Variants in ACTR6 observed in about 807,000 individuals in gnomAD.
ACTR6 encodes the protein actin related protein 6, also known as actin-related protein 6.
In ACTR6, 50 loss-of-function variants were observed where a neutral mutation model predicts 52.5. That is an observed-to-expected ratio of 0.95 (90% CI 0.76 to 1.20). ACTR6 has a LOEUF of 1.20. Ranked by LOEUF, ACTR6 falls within the 50% of genes most tolerant of loss-of-function variation. The pLI, the probability that ACTR6 is intolerant of heterozygous loss-of-function variation, is 0.00. For missense variants in ACTR6, 344 were observed against 472.4 expected, an observed-to-expected ratio of 0.73 and a Z score of 2.52; for synonymous variants, 135 against 147.2, an observed-to-expected ratio of 0.92 and a Z score of 0.60.
chr12:100,207,673 T>A lies in ACTR6; in HGVS notation c.266T>A (p.Leu89Ter). 1 of 1,512,166 alleles carries A rather than the reference T, an allele frequency of 6.6e-7. No individual in the cohort carries two copies. Among genetic ancestry groups the A allele is most frequent in the African/African-American group, 1.4e-5 (1 of 72,268 alleles). The allele number at this position is 1,512,166 out of a possible 1,614,324, so 93.7% of individuals were successfully genotyped here. A position where few individuals can be genotyped will look rare whatever the true frequency, so the allele number is the denominator to read the frequency against. The change falls in exon 4 of 11, where the codon TTA (leucine) becomes TAA (stop). Residue 89 changes from leucine to a stop codon, truncating the protein, a stop_gained. Coordinates refer to ENST00000188312, the MANE Select transcript of ACTR6 (RefSeq NM_022496.5). LOFTEE classifies it high-confidence loss of function. Reference sequence around the variant, plus strand: ...TGTTTTCTCCTATAGGTTGATTTTTTAGATACTAATATTATTATCACTGAA... The same window carrying A: ...TGTTTTCTCCTATAGGTTGATTTTTAAGATACTAATATTATTATCACTGAA... ...FGKEMYQVDF[L>*]DTNIIITEPY...
At position 100,212,524 on chromosome 12, in the gene ACTR6, G is replaced by A; in HGVS notation, c.746G>A (p.Cys249Tyr). 6.2e-7 allele frequency: 1 copy of A among 1,611,718 alleles called. No individual in the cohort carries two copies. Residue 249 changes from cysteine (C) to tyrosine (Y), a missense_variant, in exon 8 of 11, where the codon TGT becomes TAT. Coordinates refer to ENST00000188312, the MANE Select transcript of ACTR6 (RefSeq NM_022496.5). ...TTCAGTACAATTAAAAAGGGCTTTT[G>A]TAAGGTAATTTTTAAAAACCATCAA... ...PDFSTIKKGF[C>Y]KPREEMVLSG...
chr12:100,223,644 TGTTGG>T, intron 10 of ACTR6, 137 bp from the exon 11 acceptor site: 1 of 965,002 alleles, frequency 1.0e-6, no homozygotes, highest in Non-Finnish European at 1.5e-6. Context: ...AACAATTTTC[TGTTGG>T]GTTGGGTAGA....
In ACTR6 at chr12:100,218,417, A is replaced by G; in HGVS notation, c.753A>G (p.Pro251=). ...FSTIKKGFCK[P]REEMVLSGKY... ...TTTTAATCTTCTTTGTCTTTAAGCCAAGGGAAGAGATGGTGTTGAGTGGAA... is the reference window on the plus strand; with the variant it reads ...TTTTAATCTTCTTTGTCTTTAAGCCGAGGGAAGAGATGGTGTTGAGTGGAA... The change falls in exon 9 of 11, where the codon CCA becomes CCG. Residue 251 remains proline, a splice_region_variant and synonymous_variant. Transcript: ENST00000188312. The surrounding 1 kb of genome is among the most constrained non-coding windows in gnomAD (Gnocchi z 4.2). 1 of 1,607,714 alleles carries G rather than the reference A, an allele frequency of 6.2e-7. No homozygotes were observed. Among genetic ancestry groups the G allele is most frequent in the Non-Finnish European group, 8.5e-7 (1 of 1,177,338 alleles).
chr12:100,220,110 C>T lies in ACTR6; in HGVS notation c.1025C>T (p.Pro342Leu). The T allele has an allele frequency of 6.2e-7, 1 of 1,613,784 alleles. No homozygotes were observed. The highest frequency in any genetic ancestry group is 8.5e-7 in the Non-Finnish European group (1 of 1,179,842). ...RVYSEVRCLT[P>L]TDYDVSVVLP... ...TACTCAGAAGTTCGATGTCTTACTC[C>T]AACAGATTATGATGTTTCTGTTGTG... The change falls in exon 10 of 11, where the codon CCA (proline) becomes CTA (leucine). Residue 342 changes from proline (P) to leucine (L), a missense_variant. Transcript: ENST00000188312.
chr12:100,216,567 A>C (rs2096124099), intron 8 of ACTR6, among the ~76,000 whole-genome samples: 1 of 152,222 alleles, frequency 6.6e-6, no homozygotes, highest in Admixed American at 6.5e-5. Context: ...AGAATAAGTC[A>C]CATGATCCTC....
At chr12:100,206,921 C>T (rs2096115331) in intron 3 of ACTR6, among the ~76,000 whole-genome samples, 1 of 150,204 alleles carries the variant, frequency 6.7e-6, no homozygotes, top group Non-Finnish European at 1.5e-5. Flanking sequence ...CTCAGGTGAT[C>T]TGCCTGCCTC....
At chr12:100,216,356 C>A (rs1316478520) in intron 8 of ACTR6, among the ~76,000 whole-genome samples, 1 of 152,186 alleles carries the variant, frequency 6.6e-6, no homozygotes, top group Non-Finnish European at 1.5e-5. Flanking sequence ...GACGAGGTAC[C>A]ACGCTCATCT....
At chr12:100,205,803 T>G (rs1238068492) in intron 3 of ACTR6, 59 bp downstream of exon 3, 1 of 981,200 alleles carries the variant, frequency 1.0e-6, no homozygotes, top group Non-Finnish European at 1.5e-6. Flanking sequence ...AATGAAAAAT[T>G]AGAATTTACA....
chr12:100,201,803 G>GT (rs2096109908), intron 1 of ACTR6, among the ~76,000 whole-genome samples: 1 of 152,102 alleles, frequency 6.6e-6, no homozygotes, highest in Admixed American at 6.6e-5. Flanking sequence ...TTGTATTTTT[G>GT]TTAGAGACGG....
At chr12:100,213,112 A>G (rs1018038266) in intron 8 of ACTR6, among the ~76,000 whole-genome samples, 3 of 150,170 alleles carry the variant, frequency 2.0e-5, no homozygotes, top group Admixed American at 2.0e-4. Context: ...TTTTTTTGAG[A>G]CAACATCTCA....
In ACTR6 at chr12:100,220,058, C is replaced by G; in HGVS notation, c.973C>G (p.Leu325Val). 6.2e-7 allele frequency: 1 copy of G among 1,613,912 alleles called. No individual in the cohort carries two copies. Among genetic ancestry groups the G allele is most frequent in the Non-Finnish European group, 8.5e-7 (1 of 1,179,908 alleles). ...CATTGTCTTGACAGGAGGAAATTCC[C>G]TTTTCCCAGGATTTAGGGATCGGGT... Reference protein sequence around the residue: ...KNIVLTGGNSLFPGFRDRVYS... With the variant: ...KNIVLTGGNSVFPGFRDRVYS... The change falls in exon 10 of 11, where the codon CTT (leucine) becomes GTT (valine). Residue 325 changes from leucine to valine, a missense_variant. By Grantham distance (32) the Leu-to-Val change is conservative (BLOSUM62 1). Coordinates refer to ENST00000188312, the MANE Select transcript of ACTR6 (RefSeq NM_022496.5).
chr12:100,223,668 C>T, intron 10 of ACTR6, 118 bp from the exon 11 acceptor site: 2 of 1,291,264 alleles, frequency 1.5e-6, no homozygotes, highest in South Asian at 1.4e-5. Context: ...GAGCTTGCCA[C>T]ATTTTAATGG....
At position 100,223,952 on chromosome 12, in the gene ACTR6, TAATTTC is replaced by T; in HGVS notation, c.*40_*45del. ...GAATGAAAGTTGTGACCATAAGGTT[TAATTTC>T]AAAGTTCCTTTTAAAAGAGGTTAAG... On this transcript the variant is annotated 3_prime_UTR_variant, in exon 11 of 11. Coordinates refer to ENST00000188312, the MANE Select transcript of ACTR6 (RefSeq NM_022496.5). The T allele has an allele frequency of 4.4e-6, 7 of 1,580,560 alleles. No homozygotes were observed. The highest frequency in any genetic ancestry group is 6.0e-6 in the Non-Finnish European group (7 of 1,170,122).
In ACTR6 at chr12:100,224,045, T is replaced by G; in HGVS notation, c.*130T>G. On this transcript the variant is annotated 3_prime_UTR_variant, in exon 11 of 11. Transcript: ENST00000188312. ...AATTTATGTAAATACTTTGATCGAT[T>G]GCTAATTTTCAAAGGCTTCTTAGGT... 2.8e-6 allele frequency: 3 copies of G among 1,077,462 alleles called. No homozygotes were observed. Among genetic ancestry groups the G allele is most frequent in the Non-Finnish European group, 3.8e-6 (3 of 784,220 alleles). 66.7% of individuals were successfully genotyped at this position (1,077,462 alleles called of 1,614,324 possible). A position where few individuals can be genotyped will look rare whatever the true frequency, so the allele number is the denominator to read the frequency against.
At chr12:100,212,859 T>C (rs1017945029) in intron 8 of ACTR6, among the ~76,000 whole-genome samples, 1 of 151,440 alleles carries the variant, frequency 6.6e-6, no homozygotes, top group African/African-American at 2.4e-5. Context: ...CAAAAAAAAT[T>C]AGCCAGGTGT....
chr12:100,210,155 T>C lies in ACTR6; in HGVS notation c.462T>C (p.Phe154=). The change falls in exon 5 of 11, where the codon TTT becomes TTC. Residue 154 remains phenylalanine, a synonymous_variant. Transcript: ENST00000188312. ...TCATTGTTGATAGTGGATATTCCTTTACACATATAGTTCCTTATTGTAGAA... is the reference window on the plus strand; with the variant it reads ...TCATTGTTGATAGTGGATATTCCTTCACACATATAGTTCCTTATTGTAGAA... ...CCIIVDSGYS[F]THIVPYCRSK... 1 of 1,609,276 alleles carries C rather than the reference T, an allele frequency of 6.2e-7. No individual in the cohort carries two copies. The highest frequency in any genetic ancestry group is 8.5e-7 in the Non-Finnish European group (1 of 1,176,748).
In ACTR6 at chr12:100,205,674, AGGGCTACTT is replaced by A; in HGVS notation, c.188_196del (p.Gly63_Leu65del). 6.6e-7 allele frequency: 1 copy of A among 1,506,814 alleles called. No individual in the cohort carries two copies. The highest frequency in any genetic ancestry group is 8.9e-7 in the Non-Finnish European group (1 of 1,129,454). The allele number at this position is 1,506,814 out of a possible 1,614,324, so 93.3% of individuals were successfully genotyped here. ...AATTAAATTTATAAAAACATTTTTTAGGGCTACTTGGTGAATTGGGATGTTCAGAGACAA... is the reference window on the plus strand; with the variant it reads ...AATTAAATTTATAAAAACATTTTTTAGGTGAATTGGGATGTTCAGAGACAA... On this transcript the variant is annotated splice_acceptor_variant and coding_sequence_variant, in exon 3 of 11. Coordinates refer to ENST00000188312, the MANE Select transcript of ACTR6 (RefSeq NM_022496.5). LOFTEE classifies it high-confidence loss of function.
In ACTR6 at chr12:100,205,690, T is replaced by C; in HGVS notation, c.201T>C (p.Asn67=). The part of the protein sequence containing the change: ...ILPFQKGYLV[N]WDVQRQVWDY... ...ACATTTTTTAGGGCTACTTGGTGAA[T>C]TGGGATGTTCAGAGACAAGTTTGGG... The change falls in exon 3 of 11, where the codon AAT becomes AAC. Residue 67 remains asparagine (N), a synonymous_variant. Transcript: ENST00000188312. 1 of 1,519,024 alleles carries C rather than the reference T, an allele frequency of 6.6e-7. No homozygotes were observed. Among genetic ancestry groups the C allele is most frequent in the Non-Finnish European group, 8.8e-7 (1 of 1,136,428 alleles). The allele number at this position is 1,519,024 out of a possible 1,614,324, so 94.1% of individuals were successfully genotyped here. A position where few individuals can be genotyped will look rare whatever the true frequency, so the allele number is the denominator to read the frequency against.
chr12:100,212,279 C>T lies in ACTR6; in HGVS notation c.596C>T (p.Thr199Ile). The T allele has an allele frequency of 6.2e-7, 1 of 1,609,124 alleles. No homozygotes were observed. The highest frequency in any genetic ancestry group is 8.5e-7 in the Non-Finnish European group (1 of 1,177,940). Residue 199 changes from threonine to isoleucine, a missense_variant, in exon 7 of 11, where the codon ACA becomes ATA. Physicochemically the swap from Thr to Ile is moderately conservative, Grantham distance 89. Transcript: ENST00000188312. Reference sequence around the variant, plus strand: ...AGGCAGCTACATGTTATGGATGAAACACATGTGATTAATCAAGTGAAAGAA... The same window carrying T: ...AGGCAGCTACATGTTATGGATGAAATACATGTGATTAATCAAGTGAAAGAA... ...SYRQLHVMDE[T>I]HVINQVKEDV... is the part of the protein sequence containing the mutation.
Sources: gnomAD v4.1 joint callset for allele counts (sites outside exome capture counted in the v4.1 genomes callset) on GRCh38, gnomAD v4.1.1 for gene constraint, Gnocchi (gnomAD v3.1) non-coding constraint, MANE v1.5 for transcripts, NCBI Gene and HGNC (gene_info 2026-07-23, HGNC 2026-07-21) for gene names.